MINDY2: variants seen among roughly 807,000 people sequenced by gnomAD.
MINDY2 encodes MINDY lysine 48 deubiquitinase 2.
In MINDY2, 52 loss-of-function variants were observed where a neutral mutation model predicts 68.2. The ratio of observed to expected loss-of-function variants is 0.76; its 90% CI spans 0.61 to 0.96. MINDY2 has a LOEUF of 0.96. MINDY2 is among the 40% of genes least tolerant of loss of function. The pLI is 0.00. For missense variants in MINDY2, 881 were observed against 773.4 expected (o/e 1.14, Z -1.65); for synonymous variants, 372 against 303.0 (o/e 1.23, Z -2.36).
At chr15:58,785,570 C>T (rs1020922244) in intron 1 of MINDY2, among the ~76,000 whole-genome samples, 2 of 151,990 alleles carry the variant, frequency 1.3e-5, no homozygotes, top group Admixed American at 6.6e-5. Context: ...AACAGACAGT[C>T]GACAGTAATT....
At position 58,811,261 on chromosome 15, in the gene MINDY2, G is replaced by T. The variant is rs71478692; in HGVS notation, c.1122+873G>T. The stretch of plus-strand genomic sequence containing the variant: ...TTACCCAAACATTTATTTTAAAAAG[G>T]CACCCCCATATATCCATCACTCTAA... On this transcript the variant is annotated intron_variant, in intron 4 of 8. Coordinates refer to ENST00000559228, the MANE Select transcript of MINDY2 (RefSeq NM_001040450.3). 7.2e-3 allele frequency among the ~76,000 whole-genome samples: 1,092 copies of T among 152,272 alleles called. 5 individuals are homozygous for T. Among genetic ancestry groups the T allele is most frequent in the Non-Finnish European group, 0.012 (819 of 68,022 alleles).
intron 3 of MINDY2, among the ~76,000 whole-genome samples, chr15:58,802,596 T>C (rs1328656971): frequency 6.6e-6 from 1 of 152,138 alleles, no homozygotes; most frequent in Non-Finnish European, 1.5e-5. Flanking sequence ...GCCAGATTTT[T>C]CCTTTTTTTC....
chr15:58,834,377 G>A (rs1298427068), intron 6 of MINDY2, among the ~76,000 whole-genome samples: 2 of 152,044 alleles, frequency 1.3e-5, no homozygotes, highest in South Asian at 2.1e-4. Context: ...CCTTTAAGAA[G>A]CTTTTAAATA....
At chr15:58,793,607 A>G (rs1902080550) in intron 2 of MINDY2, among the ~76,000 whole-genome samples, 1 of 152,322 alleles carries the variant, frequency 6.6e-6, no homozygotes, top group Middle Eastern at 3.4e-3. Context: ...CATTTTATAA[A>G]AGAGAAAACT....
intron 1 of MINDY2, among the ~76,000 whole-genome samples, chr15:58,774,744 A>G (rs545480119): frequency 1.3e-5 from 2 of 152,322 alleles, no homozygotes; most frequent in East Asian, 3.9e-4. Context: ...GGCAAAGAGA[A>G]TAGTGTATTG....
chr15:58,843,832 C>CAA (rs34999651), intron 6 of MINDY2, among the ~76,000 whole-genome samples: 47,412 of 84,808 alleles, frequency 0.56, 13,915 homozygotes, highest in Non-Finnish European at 0.66. Context: ...GACTCTGTCT[C>CAA]AAAAAAAAAA....
chr15:58,821,915 T>C (rs1213328495), intron 5 of MINDY2, 96 bp downstream of exon 5: 2 of 758,458 alleles, frequency 2.6e-6, no homozygotes, highest in African/African-American at 1.9e-5. Context: ...ATAAGACTTC[T>C]AAAAAACACA....
Position 58,847,409 on chromosome 15 carries a change from A to G in MINDY2, c.1481A>G (p.His494Arg), listed in dbSNP as rs564559338. 8 of 1,607,612 alleles carry G rather than the reference A, an allele frequency of 5.0e-6. No homozygotes were observed. In the East Asian group the frequency reaches 8.9e-5, roughly 18 times the overall value. The part of the protein sequence containing the change: ...GDGNFCDSEF[H>R]LRPPSDPETV... ...GGAAATTTCTGTGACTCAGAATTTC[A>G]TCTTCGACCTCCTTCAGATCCTGAA... The change falls in exon 7 of 9, where the codon CAT (histidine) becomes CGT (arginine). Residue 494 changes from histidine to arginine, a missense_variant. Transcript: ENST00000559228.
intron 3 of MINDY2, among the ~76,000 whole-genome samples, chr15:58,808,658 G>A (rs2029993828): frequency 6.6e-6 from 1 of 152,220 alleles, no homozygotes; most frequent in South Asian, 2.1e-4. Context: ...AGGCTGGAGT[G>A]CAGTGGCACA....
intron 6 of MINDY2, among the ~76,000 whole-genome samples, chr15:58,844,238 G>A (rs2032415602): frequency 6.6e-6 from 1 of 152,044 alleles, no homozygotes; most frequent in South Asian, 2.1e-4. Context: ...TTACATAAAG[G>A]AACTGTGGAC....
chr15:58,828,491 A>C (rs1196432518), intron 5 of MINDY2, among the ~76,000 whole-genome samples: 1 of 151,914 alleles, frequency 6.6e-6, no homozygotes, highest in African/African-American at 2.4e-5. Context: ...CACCATCTTT[A>C]AGGCATTCAT....
chr15:58,852,045 G>A (rs1220513667), intron 8 of MINDY2, 80 bp downstream of exon 8: 4 of 1,116,388 alleles, frequency 3.6e-6, no homozygotes, highest in Non-Finnish European at 5.0e-6. Context: ...CCAGCCCTTT[G>A]GGAGGCTGAG....
intron 1 of MINDY2, among the ~76,000 whole-genome samples, chr15:58,775,409 A>G (rs1900711596): frequency 6.6e-6 from 1 of 152,188 alleles, no homozygotes. Context: ...CCATGGCTAT[A>G]GGTGTTTAGA....
intron 2 of MINDY2, among the ~76,000 whole-genome samples, chr15:58,788,191 A>C (rs75888243): frequency 0.029 from 4,453 of 152,314 alleles, 94 homozygotes; most frequent in Non-Finnish European, 0.048. Flanking sequence ...AATCTAGGTA[A>C]CGTCTAGAAA....
At chr15:58,816,051 A>G (rs1448982715) in intron 4 of MINDY2, among the ~76,000 whole-genome samples, 2 of 152,248 alleles carry the variant, frequency 1.3e-5, no homozygotes, top group African/African-American at 4.8e-5. Flanking sequence ...GGCTGGACTC[A>G]GCATAGTATT....
intron 1 of MINDY2, among the ~76,000 whole-genome samples, chr15:58,773,844 TTA>T (rs1339961033): frequency 6.6e-6 from 1 of 152,124 alleles, no homozygotes; most frequent in African/African-American, 2.4e-5. Context: ...TATTGTGTGT[TTA>T]TATGTTTATT....
chr15:58,775,080 A>AT (rs1303817647), intron 1 of MINDY2, among the ~76,000 whole-genome samples: 5 of 152,198 alleles, frequency 3.3e-5, no homozygotes, highest in Non-Finnish European at 7.3e-5. Flanking sequence ...TATTTTTATG[A>AT]TAATACTAAG....
At chr15:58,786,688 T>C (rs1366128438) in intron 1 of MINDY2, among the ~76,000 whole-genome samples, 3 of 152,200 alleles carry the variant, frequency 2.0e-5, no homozygotes, top group Admixed American at 2.0e-4. Context: ...GGAACTACTA[T>C]TGCAGGTCAA....
chr15:58,854,565 A>C lies in MINDY2; in HGVS notation c.1821A>C (p.Lys607Asn), dbSNP rs779903527. 15 of 1,613,336 alleles carry C rather than the reference A, an allele frequency of 9.3e-6. No homozygotes were observed. The South Asian group carries it at 1.4e-4, about 15-fold the overall frequency. The change falls in exon 9 of 9, where the codon AAA becomes AAC. Residue 607 changes from lysine to asparagine, a missense_variant. Transcript: ENST00000559228. ...GTAAACGGAAGGAACCACGAGAAAA[A>C]GATAAAGAAAAAGAAAAGGAAAAAA... The part of the protein sequence containing the change: ...SERKRKEPRE[K>N]DKEKEKEKNS...
Sources: gnomAD v4.1 joint callset for allele counts (sites outside exome capture counted in the v4.1 genomes callset) on GRCh38, gnomAD v4.1.1 for gene constraint, MANE v1.5 for transcripts, NCBI Gene and HGNC (gene_info 2026-07-23, HGNC 2026-07-21) for gene names.